ELF1: variants seen among roughly 807,000 people sequenced by gnomAD.
ELF1 encodes the protein ETS-related transcription factor Elf-1.
Under a neutral mutation model 59.9 loss-of-function variants are expected in ELF1, and 24 were observed. The observed-to-expected ratio is 0.40, with a 90% CI of 0.29 to 0.56. The LOEUF (loss-of-function observed/expected upper bound fraction) is 0.56. Among genes scored for constraint, ELF1 ranks in the 20% least tolerant of loss-of-function variants. The pLI is 0.44. For missense variants in ELF1, 627 were observed against 742.2 expected, an observed-to-expected ratio of 0.84 and a Z score of 1.80; for synonymous variants, 248 against 266.2, an observed-to-expected ratio of 0.93 and a Z score of 0.67.
intron 1 of ELF1, among the ~76,000 whole-genome samples, chr13:40,986,937 C>CTCTCTTTT (rs552477115): frequency 1.6e-5 from 2 of 126,852 alleles, no homozygotes; most frequent in South Asian, 5.0e-4. Context: ...AATCATTGCT[C>CTCTCTTTT]TTTTTTTTTT....
intron 1 of ELF1, among the ~76,000 whole-genome samples, chr13:41,012,178 T>C (rs1268241100): frequency 6.6e-6 from 1 of 151,702 alleles, no homozygotes; most frequent in Non-Finnish European, 1.5e-5. Context: ...CTAGGCGCCA[T>C]GGTGGGCACC....
At position 40,954,524 on chromosome 13, in the gene ELF1, T is replaced by A. The variant is rs933508645; in HGVS notation, c.254-3088A>T. The stretch of plus-strand genomic sequence containing the variant: ...CCAAAGCTGGACTGTACTGCTGCCA[T>A]CTCGGCTCACTGCAACCTCCCTGCC... On this transcript the variant is annotated intron_variant, in intron 3 of 8. Coordinates refer to ENST00000239882, the MANE Select transcript of ELF1 (RefSeq NM_172373.4). 2.6e-5 allele frequency among the ~76,000 whole-genome samples: 4 copies of A among 151,606 alleles called. No individual in the cohort carries two copies. The South Asian group carries it at 6.2e-4, about 24-fold the overall frequency.
chr13:41,012,690 T>A (rs991431208), intron 1 of ELF1, among the ~76,000 whole-genome samples: 2 of 151,612 alleles, frequency 1.3e-5, no homozygotes, highest in African/African-American at 4.8e-5. Context: ...GCTACAGGAG[T>A]GTGACACCAC....
chr13:41,039,913 A>G (rs1057386528), intron 1 of ELF1, among the ~76,000 whole-genome samples: 13 of 152,216 alleles, frequency 8.5e-5, no homozygotes, highest in Non-Finnish European at 1.8e-4. Flanking sequence ...GCACTTCACA[A>G]AAGAAATGTA....
intron 2 of ELF1, among the ~76,000 whole-genome samples, chr13:40,971,535 G>A (rs1223099888): frequency 1.3e-5 from 2 of 152,264 alleles, no homozygotes; most frequent in East Asian, 1.9e-4. Context: ...GCAGGCATGC[G>A]CCACTGCGTC....
chr13:41,025,878 C>A (rs2138399850), intron 1 of ELF1, among the ~76,000 whole-genome samples: 1 of 152,294 alleles, frequency 6.6e-6, no homozygotes, highest in Admixed American at 6.5e-5. Flanking sequence ...CTCCTGGTAT[C>A]TGTTACATAC....
chr13:40,982,376 T>A, intron 1 of ELF1, 94 bp from the exon 2 acceptor site: 1 of 843,718 alleles, frequency 1.2e-6, no homozygotes, highest in Non-Finnish European at 1.5e-6. Flanking sequence ...AAAGCATTTT[T>A]TTATTATTAA....
chr13:41,012,107 G>T (rs1875098709), intron 1 of ELF1, among the ~76,000 whole-genome samples: 1 of 151,982 alleles, frequency 6.6e-6, no homozygotes, highest in South Asian at 2.1e-4. Context: ...AGGAATTCAA[G>T]ACCAGCCTGG....
intron 1 of ELF1, among the ~76,000 whole-genome samples, chr13:41,002,926 A>G (rs534315927): frequency 3.3e-5 from 5 of 152,186 alleles, no homozygotes; most frequent in Non-Finnish European, 5.9e-5. Flanking sequence ...ATTTTTCTAT[A>G]TATTAATAAA....
intron 1 of ELF1, among the ~76,000 whole-genome samples, chr13:41,056,478 T>G (rs922038083): frequency 6.6e-6 from 1 of 152,260 alleles, no homozygotes; most frequent in Non-Finnish European, 1.5e-5. Context: ...TTTTCATTTC[T>G]ACTGGGTACA....
chr13:40,984,633 T>A lies in ELF1; in HGVS notation c.-228-2351A>T, dbSNP rs563815647. Among the ~76,000 whole-genome samples the A allele has an allele frequency of 2.6e-5, 4 of 152,254 alleles. No individual in the cohort carries two copies. The East Asian group carries it at 7.7e-4, about 29-fold the overall frequency. On this transcript the variant is annotated intron_variant, in intron 1 of 8. Coordinates refer to ENST00000239882, the MANE Select transcript of ELF1 (RefSeq NM_172373.4). ...TATCCTTTATTTAAAAAAGAATAACTGATATACTTCTGATAAAGAGGAAAC... is the reference window on the plus strand; with the variant it reads ...TATCCTTTATTTAAAAAAGAATAACAGATATACTTCTGATAAAGAGGAAAC...
At chr13:41,040,765 G>A (rs1028258754) in intron 1 of ELF1, among the ~76,000 whole-genome samples, 2 of 152,162 alleles carry the variant, frequency 1.3e-5, no homozygotes, top group Admixed American at 6.5e-5. Context: ...CCACGGATGG[G>A]TACAAGTCTG....
chr13:40,988,087 A>G (rs1380380440), intron 1 of ELF1, among the ~76,000 whole-genome samples: 1 of 152,216 alleles, frequency 6.6e-6, no homozygotes, highest in Non-Finnish European at 1.5e-5. Flanking sequence ...CTTTTAAAAA[A>G]TCTGTTTTCT....
intron 2 of ELF1, among the ~76,000 whole-genome samples, chr13:40,963,039 G>A (rs1039140354): frequency 1.3e-5 from 2 of 152,140 alleles, no homozygotes; most frequent in African/African-American, 4.8e-5. Context: ...ATATGCACGA[G>A]ACATTTTGCA....
chr13:40,955,636 C>A (rs1384325905), intron 3 of ELF1, among the ~76,000 whole-genome samples: 1 of 73,048 alleles, frequency 1.4e-5, no homozygotes, highest in African/African-American at 4.9e-5. Flanking sequence ...AAGAGAGGAG[C>A]CCCTCTGCCC....
intron 8 of ELF1, among the ~76,000 whole-genome samples, chr13:40,935,383 C>G (rs913232117): frequency 6.6e-6 from 1 of 152,144 alleles, no homozygotes; most frequent in African/African-American, 2.4e-5. Context: ...ATTATTAAAG[C>G]TACATTTTGA....
At chr13:41,024,460 A>C (rs990650107) in intron 1 of ELF1, among the ~76,000 whole-genome samples, 2 of 152,180 alleles carry the variant, frequency 1.3e-5, no homozygotes, top group African/African-American at 4.8e-5. Flanking sequence ...AGTAGCTGGG[A>C]CTACAGGCAT....
intron 1 of ELF1, among the ~76,000 whole-genome samples, chr13:41,060,162 C>A (rs1877460855): frequency 6.6e-6 from 1 of 152,150 alleles, no homozygotes; most frequent in Non-Finnish European, 1.5e-5. Flanking sequence ...CGGAAAGGGG[C>A]GCCGGGCGGC....
chr13:41,034,151 T>C (rs1362823233), intron 1 of ELF1, among the ~76,000 whole-genome samples: 3 of 152,096 alleles, frequency 2.0e-5, no homozygotes, highest in East Asian at 1.9e-4. Flanking sequence ...TTGAGGGACA[T>C]TCTACAAAAT....
Sources: allele counts gnomAD v4.1 joint callset (sites outside exome capture counted in the v4.1 genomes callset), GRCh38; gene constraint gnomAD v4.1.1; transcripts MANE v1.5; gene names NCBI Gene and HGNC (gene_info 2026-07-23, HGNC 2026-07-21).